The following INPP4B variants were observed in gnomAD, a reference collection of about 807,000 sequenced individuals.
INPP4B encodes the protein inositol polyphosphate 4-phosphatase type II.
A neutral mutation model predicts 122.5 loss-of-function variants in INPP4B; 55 were observed. The ratio of observed to expected loss-of-function variants is 0.45; its 90% CI spans 0.36 to 0.56. The LOEUF (loss-of-function observed/expected upper bound fraction) is 0.56, where lower values mean the gene tolerates loss of function less well. Ranked by LOEUF, INPP4B falls within the 20% of genes least tolerant of loss-of-function variation. The probability of loss-of-function intolerance (pLI) is 0.00; values close to 1 mark genes in which losing one functional copy is unlikely to be tolerated. For synonymous variants in INPP4B, 403 were observed against 388.7 expected, an observed-to-expected ratio of 1.04 and a Z score of -0.43; for missense variants, 1,000 against 1,097.7, an observed-to-expected ratio of 0.91 and a Z score of 1.26.
intron 2 of INPP4B, among the ~76,000 whole-genome samples, chr4:142,507,873 T>C (rs1824217845): frequency 6.6e-6 from 1 of 152,146 alleles, no homozygotes; most frequent in Non-Finnish European, 1.5e-5. Context: ...TAATGACATA[T>C]CCAGATTCAT....
chr4:142,337,529 T>G (rs553138720), intron 7 of INPP4B, among the ~76,000 whole-genome samples: 1 of 151,198 alleles, frequency 6.6e-6, no homozygotes, highest in South Asian at 2.1e-4. Context: ...TAATTAATAA[T>G]TATCTGATTA....
chr4:142,268,322 C>CAAGAAAAAAAAAAAAAAAAAAAAA (rs1743906083), intron 10 of INPP4B, among the ~76,000 whole-genome samples: 1 of 6,898 alleles, frequency 1.4e-4, no homozygotes, highest in Non-Finnish European at 4.1e-4. Context: ...GACTCCGTCT[C>CAAGAAAAAAAAAAAAAAAAAAAAA]AAAAAAAAAA....
chr4:142,679,474 GT>G (rs991228101), intron 2 of INPP4B, among the ~76,000 whole-genome samples: 8 of 151,798 alleles, frequency 5.3e-5, no homozygotes, highest in Admixed American at 2.0e-4. Context: ...TGGCACTAGA[GT>G]TTTTTAAAAT....
At chr4:142,701,343 T>C (rs1404386747) in intron 2 of INPP4B, among the ~76,000 whole-genome samples, 1 of 151,758 alleles carries the variant, frequency 6.6e-6, no homozygotes, top group Non-Finnish European at 1.5e-5. Context: ...TGATGTATTA[T>C]AGCCAGGAGA....
chr4:142,844,873 T>C (rs979649070), intron 1 of INPP4B, among the ~76,000 whole-genome samples: 2 of 152,214 alleles, frequency 1.3e-5, no homozygotes, highest in Non-Finnish European at 2.9e-5. Flanking sequence ...CTGGAGCTCA[T>C]CTTGAGAGAG....
At chr4:142,752,016 T>C (rs1459061114) in intron 1 of INPP4B, among the ~76,000 whole-genome samples, 1 of 152,062 alleles carries the variant, frequency 6.6e-6, no homozygotes, top group Non-Finnish European at 1.5e-5. Flanking sequence ...CTGTGGAACA[T>C]ATAATTCTAT....
At chr4:142,366,091 C>T (rs1272079047) in intron 7 of INPP4B, among the ~76,000 whole-genome samples, 1 of 152,072 alleles carries the variant, frequency 6.6e-6, no homozygotes, top group East Asian at 1.9e-4. Flanking sequence ...TTTGTTTCTG[C>T]CCCACCCTAA....
chr4:142,477,544 GAA>G (rs1197078637), intron 2 of INPP4B, among the ~76,000 whole-genome samples: 1 of 151,372 alleles, frequency 6.6e-6, no homozygotes, highest in Non-Finnish European at 1.5e-5. Context: ...CACTAATAAA[GAA>G]AAAAGAGAGA....
intron 5 of INPP4B, among the ~76,000 whole-genome samples, chr4:142,418,676 G>A (rs953855418): frequency 2.6e-5 from 4 of 152,140 alleles, no homozygotes; most frequent in Non-Finnish European, 5.9e-5. Context: ...TTGAGAAGCA[G>A]AAAGAAGCCC....
chr4:142,029,687 T>A (rs1738594676), intron 25 of INPP4B: 1 of 985,664 alleles, frequency 1.0e-6, no homozygotes, highest in Admixed American at 6.1e-5. Context: ...AAAATTTCTA[T>A]CAGCAGATGG....
chr4:142,549,248 C>A (rs72726445), intron 2 of INPP4B, among the ~76,000 whole-genome samples: 17,014 of 152,024 alleles, frequency 0.11, 1,062 homozygotes, highest in African/African-American at 0.14. Context: ...CTATGTTCAC[C>A]CCCATCACTG....
In INPP4B at chr4:142,404,812, T is replaced by A. The variant is rs78586791; in HGVS notation, c.255+394A>T. On this transcript the variant is annotated intron_variant, in intron 6 of 25. Transcript: ENST00000262992. ...GGGTACTGTACAACTTTCTTTTTTT[T>A]CCTCAAAATAAATATTTATTTCAAT... 5.5e-3 allele frequency among the ~76,000 whole-genome samples: 837 copies of A among 152,198 alleles called. 4 individuals are homozygous for A. Among genetic ancestry groups the A allele is most frequent in the African/African-American group, 0.019 (802 of 41,536 alleles).
At chr4:142,101,287 T>C (rs1029934875) in intron 23 of INPP4B, among the ~76,000 whole-genome samples, 5 of 152,124 alleles carry the variant, frequency 3.3e-5, no homozygotes, top group African/African-American at 1.2e-4. Flanking sequence ...GTACCCTTTT[T>C]TGTTTATGGA....
In INPP4B at chr4:142,106,989, G is replaced by A. The variant is rs1259360867; in HGVS notation, c.2374+1104C>T. On this transcript the variant is annotated intron_variant, in intron 23 of 25. Coordinates refer to ENST00000262992, the MANE Select transcript of INPP4B (RefSeq NM_001101669.3). ...CTCTTTTTTTTCATTAATTGCTAAA[G>A]AAAAATAGTTTTACTTACATTATTA... Among the ~76,000 whole-genome samples, 4 of 151,602 alleles carry A rather than the reference G, an allele frequency of 2.6e-5. No homozygotes were observed. The East Asian group carries it at 7.7e-4, about 29-fold the overall frequency.
At chr4:142,634,632 T>C (rs1201293403) in intron 2 of INPP4B, among the ~76,000 whole-genome samples, 2 of 152,150 alleles carry the variant, frequency 1.3e-5, no homozygotes, top group African/African-American at 2.4e-5. Context: ...ATTTACCATT[T>C]ATTCCTGATT....
chr4:142,627,765 C>G (rs1397247277), intron 2 of INPP4B, among the ~76,000 whole-genome samples: 1 of 152,132 alleles, frequency 6.6e-6, no homozygotes, highest in Non-Finnish European at 1.5e-5. Context: ...ATGCTGGCCT[C>G]ATAAAATGAG....
At chr4:142,235,389 T>C (rs1856247037) in intron 12 of INPP4B, among the ~76,000 whole-genome samples, 1 of 151,250 alleles carries the variant, frequency 6.6e-6, no homozygotes. Flanking sequence ...AATGAATATA[T>C]GTTAATGAAT....
chr4:142,024,709 G>A lies in INPP4B; in HGVS notation c.*4073C>T, dbSNP rs1736502638. 1 of 152,100 alleles carries A rather than the reference G, an allele frequency of 6.6e-6. No homozygotes were observed. The highest frequency in any genetic ancestry group is 2.4e-5 in the African/African-American group (1 of 41,424). The allele number at this position is 152,100 out of a possible 1,614,324, so 9.4% of individuals were successfully genotyped here. ...CTATATTTATTAGAATCTGGGCACA[G>A]TAATATGTTACTGTTTTTCCTACTT... On this transcript the variant is annotated 3_prime_UTR_variant, in exon 26 of 26. Transcript: ENST00000262992.
intron 2 of INPP4B, among the ~76,000 whole-genome samples, chr4:142,545,814 C>CACATGTAT (rs1560782678): frequency 1.7e-5 from 2 of 116,874 alleles, no homozygotes; most frequent in South Asian, 2.7e-4. Context: ...TACACATATA[C>CACATGTAT]ATGTGTGTAT....
Sources: gnomAD v4.1 joint callset for allele counts (sites outside exome capture counted in the v4.1 genomes callset) on GRCh38, gnomAD v4.1.1 for gene constraint, MANE v1.5 for transcripts, NCBI Gene and HGNC (gene_info 2026-07-23, HGNC 2026-07-21) for gene names.